The following SGIP1 variants were observed in gnomAD, a reference collection of about 807,000 sequenced individuals.
SGIP1 encodes the protein SH3-containing GRB2-like protein 3-interacting protein 1.
In SGIP1, 38 loss-of-function variants were observed where a neutral mutation model predicts 107.5. That is an observed-to-expected ratio of 0.35 (90% CI 0.27 to 0.46). The LOEUF (loss-of-function observed/expected upper bound fraction) is 0.46, where lower values mean the gene tolerates loss of function less well. SGIP1 is among the 20% of genes least tolerant of loss of function. SGIP1 has a pLI of 1.00. For missense variants in SGIP1, 929 were observed against 1,019.5 expected, an observed-to-expected ratio of 0.91 and a Z score of 1.21; for synonymous variants, 365 against 366.1, an observed-to-expected ratio of 1.00 and a Z score of 0.03.
intron 18 of SGIP1, among the ~76,000 whole-genome samples, chr1:66,696,539 T>C (rs752998623): frequency 1.3e-5 from 2 of 152,234 alleles, no homozygotes; most frequent in East Asian, 1.9e-4. Context: ...AAATAGTTTG[T>C]ATAGTTGTGG....
chr1:66,693,256 TAATAAATA>T (rs3077736), intron 17 of SGIP1, among the ~76,000 whole-genome samples: 38 of 142,622 alleles, frequency 2.7e-4, no homozygotes, highest in Admixed American at 8.4e-4. Flanking sequence ...TTTTTAAAAA[TAATAAATA>T]AATAAATAAA....
chr1:66,616,371 G>T (rs1303875617), intron 1 of SGIP1, among the ~76,000 whole-genome samples: 1 of 151,842 alleles, frequency 6.6e-6, no homozygotes, highest in Admixed American at 6.6e-5. Context: ...CTGATTTCTG[G>T]TTGTTTTATA....
chr1:66,629,998 C>T lies in SGIP1; in HGVS notation c.75-3072C>T, dbSNP rs142368169. ...ACTGAGAAACAAAGGGGTGAAGTAA[C>T]TTGCCCAAGCTTCTGCAGCTAGGAA... On this transcript the variant is annotated intron_variant, in intron 2 of 24. Coordinates refer to ENST00000371037, the MANE Select transcript of SGIP1 (RefSeq NM_032291.4). Among the ~76,000 whole-genome samples the T allele has an allele frequency of 4.2e-3, 637 of 152,276 alleles. 4 individuals carry two copies. The highest frequency in any genetic ancestry group is 0.015 in the African/African-American group (607 of 41,550).
chr1:66,600,379 G>C (rs1344076813), intron 1 of SGIP1, among the ~76,000 whole-genome samples: 1 of 152,094 alleles, frequency 6.6e-6, no homozygotes, highest in African/African-American at 2.4e-5. Context: ...TCCTAGAAAT[G>C]GAAGTCATGT....
intron 12 of SGIP1, among the ~76,000 whole-genome samples, chr1:66,675,519 G>GTT (rs2084997300): frequency 1.0e-5 from 1 of 95,398 alleles, no homozygotes; most frequent in Admixed American, 1.1e-4. Context: ...CTTTTTCGTT[G>GTT]TTTTTCTTTT....
At chr1:66,559,534 G>T (rs757884037) in intron 1 of SGIP1, among the ~76,000 whole-genome samples, 2 of 152,054 alleles carry the variant, frequency 1.3e-5, no homozygotes, top group Non-Finnish European at 2.9e-5. Context: ...AACAGAAAGA[G>T]CAGAGGGAGT....
At chr1:66,639,983 T>C (rs2076474294) in intron 5 of SGIP1, 150 bp downstream of exon 5, 3 of 608,444 alleles carry the variant, frequency 4.9e-6, no homozygotes, top group Admixed American at 3.2e-5. Context: ...CTAAGAACAA[T>C]AGAGTCTGTC....
chr1:66,700,474 C>T (rs2091742505), intron 18 of SGIP1, among the ~76,000 whole-genome samples: 1 of 151,866 alleles, frequency 6.6e-6, no homozygotes, highest in African/African-American at 2.4e-5. Flanking sequence ...TCAGTCCTTG[C>T]AACAAAGGTT....
At chr1:66,545,713 A>T (rs1026965008) in intron 1 of SGIP1, among the ~76,000 whole-genome samples, 4 of 150,790 alleles carry the variant, frequency 2.7e-5, no homozygotes, top group African/African-American at 9.8e-5. Context: ...TAAGTAAGGA[A>T]TTGGCTCACA....
intron 1 of SGIP1, among the ~76,000 whole-genome samples, chr1:66,613,658 C>T (rs191943881): frequency 6.6e-6 from 1 of 152,278 alleles, no homozygotes; most frequent in East Asian, 1.9e-4. Context: ...ACCTGACTTT[C>T]TAAAACTTGC....
chr1:66,617,553 T>C (rs2149234832), intron 1 of SGIP1, among the ~76,000 whole-genome samples: 1 of 152,346 alleles, frequency 6.6e-6, no homozygotes, highest in East Asian at 1.9e-4. Flanking sequence ...CCCAGGGCAA[T>C]TAAATTTGCC....
At chr1:66,703,344 T>A (rs1303914454) in intron 18 of SGIP1, among the ~76,000 whole-genome samples, 1 of 152,172 alleles carries the variant, frequency 6.6e-6, no homozygotes, top group Non-Finnish European at 1.5e-5. Flanking sequence ...GAGCAACATT[T>A]ATACCTACAT....
At chr1:66,686,587 A>C (rs1339224273) in intron 15 of SGIP1, among the ~76,000 whole-genome samples, 1 of 152,218 alleles carries the variant, frequency 6.6e-6, no homozygotes, top group East Asian at 1.9e-4. Context: ...TCACGAAAGT[A>C]TGTGAAGCCT....
intron 20 of SGIP1, among the ~76,000 whole-genome samples, chr1:66,733,270 G>A (rs2094099570): frequency 6.6e-6 from 1 of 152,118 alleles, no homozygotes; most frequent in East Asian, 1.9e-4. Context: ...ACTCTTTTCT[G>A]CTTAGTTGGT....
rs190992469 is a variant in SGIP1, at chr1:66,667,183, C to A, written c.472-347C>A. ...TTACTTCTCTATTCTCTAAGTACCC[C>A]CCCCCAAACTATCTGGAGAAAAACT... On this transcript the variant is annotated intron_variant, in intron 8 of 24. Transcript: ENST00000371037. Among the ~76,000 whole-genome samples the A allele has an allele frequency of 1.4e-3, 208 of 152,144 alleles. 1 individual carries two copies. Among genetic ancestry groups the A allele is most frequent in the African/African-American group, 4.9e-3 (204 of 41,508 alleles).
In SGIP1 at chr1:66,748,662, T is replaced by G. The variant is rs757822344; in HGVS notation, c.*5567T>G. Among the ~76,000 whole-genome samples the G allele has an allele frequency of 3.9e-5, 6 of 152,014 alleles. No homozygotes were observed. The highest frequency in any genetic ancestry group is 5.9e-5 in the Non-Finnish European group (4 of 67,872). ...TACATCTTTATCCTTGTAAAAAATG[T>G]TTTGGCAAAAAACAAATATATTTTT... On this transcript the variant is annotated 3_prime_UTR_variant, in exon 25 of 25. Transcript: ENST00000371037.
At chr1:66,550,746 A>G (rs567215335) in intron 1 of SGIP1, among the ~76,000 whole-genome samples, 2 of 152,256 alleles carry the variant, frequency 1.3e-5, no homozygotes, top group South Asian at 4.1e-4. Flanking sequence ...TACGATAATT[A>G]TTTCTATTAC....
Position 66,748,405 on chromosome 1 carries a change from T to C in SGIP1, c.*5310T>C, listed in dbSNP as rs1158250004. 6.6e-6 allele frequency: 1 copy of C among 151,988 alleles called. No individual in the cohort carries two copies. Among genetic ancestry groups the C allele is most frequent in the East Asian group, 1.9e-4 (1 of 5,200 alleles). The allele number at this position is 151,988 out of a possible 1,614,324, so 9.4% of individuals were successfully genotyped here. Reference sequence around the variant, plus strand: ...GATCTAAATATATTTCATGAAGGAATGTCAAATGTAAAGTCTGTTGAGTTG... The same window carrying C: ...GATCTAAATATATTTCATGAAGGAACGTCAAATGTAAAGTCTGTTGAGTTG... On this transcript the variant is annotated 3_prime_UTR_variant, in exon 25 of 25. Transcript: ENST00000371037.
At chr1:66,726,188 A>C (rs1056154334) in intron 19 of SGIP1, among the ~76,000 whole-genome samples, 15 of 152,228 alleles carry the variant, frequency 9.9e-5, no homozygotes, top group Non-Finnish European at 1.9e-4. Context: ...ATTTGCAAGC[A>C]GGCTGGAAGG....
Sources: gnomAD v4.1 joint callset for allele counts (sites outside exome capture counted in the v4.1 genomes callset) on GRCh38, gnomAD v4.1.1 for gene constraint, MANE v1.5 for transcripts, NCBI Gene and HGNC (gene_info 2026-07-23, HGNC 2026-07-21) for gene names.